Variants in GRHL2 observed in about 807,000 individuals in gnomAD.
GRHL2 encodes the protein grainyhead-like protein 2 homolog.
GRHL2 carries 21 observed loss-of-function variants against 83.8 expected under a neutral mutation model. The observed-to-expected ratio is 0.25, with a 90% confidence interval of 0.18 to 0.36. GRHL2 has a LOEUF of 0.36. Ranked by LOEUF, GRHL2 falls within the 10% of genes least tolerant of loss-of-function variation. GRHL2 has a pLI of 1.00. For synonymous variants in GRHL2, 280 were observed against 278.9 expected (o/e 1.00, Z -0.04); for missense variants, 623 against 781.8 (o/e 0.80, Z 2.42).
chr8:101,513,510 TGGAGA>T (rs1554582038), intron 1 of GRHL2, among the ~76,000 whole-genome samples: 10 of 147,190 alleles, frequency 6.8e-5, no homozygotes, highest in Admixed American at 1.4e-4. Context: ...CTTTTTTTTT[TGGAGA>T]TGGAGTTTTG....
chr8:101,661,014 C>T (rs1161865439), intron 14 of GRHL2, among the ~76,000 whole-genome samples: 1 of 152,226 alleles, frequency 6.6e-6, no homozygotes, highest in East Asian at 1.9e-4. Context: ...TTGCAGTCCA[C>T]ATAACCCTAT....
intron 2 of GRHL2, among the ~76,000 whole-genome samples, chr8:101,544,672 C>CAAT (rs1811224914): frequency 6.6e-6 from 1 of 152,166 alleles, no homozygotes; most frequent in Non-Finnish European, 1.5e-5. Context: ...ACAATGAACT[C>CAAT]TTATTAACTC....
chr8:101,568,589 T>G (rs1258085242), intron 4 of GRHL2, among the ~76,000 whole-genome samples: 2 of 152,090 alleles, frequency 1.3e-5, no homozygotes, highest in Non-Finnish European at 2.9e-5. Context: ...TATTTTAGTT[T>G]TTTTTTTTTA....
chr8:101,535,079 A>T (rs1221439563), intron 1 of GRHL2, among the ~76,000 whole-genome samples: 2 of 152,174 alleles, frequency 1.3e-5, no homozygotes, highest in Non-Finnish European at 2.9e-5. Flanking sequence ...GTTCTATGTG[A>T]TAGGGCTGGT....
chr8:101,493,355 G>A (rs1248811654), intron 1 of GRHL2, among the ~76,000 whole-genome samples: 1 of 152,162 alleles, frequency 6.6e-6, no homozygotes, highest in Non-Finnish European at 1.5e-5. Context: ...GATGGGAGGC[G>A]AGGCGCTGGG....
At chr8:101,518,890 A>T (rs1357530745) in intron 1 of GRHL2, among the ~76,000 whole-genome samples, 1 of 152,142 alleles carries the variant, frequency 6.6e-6, no homozygotes, top group East Asian at 1.9e-4. Context: ...TAATTTGTTG[A>T]TTTAACTTCT....
chr8:101,611,079 T>C lies in GRHL2; in HGVS notation c.1099-8460T>C, dbSNP rs1240423443. ...TTCCTTGTCCTTGGTCAGGTCACAA[T>C]GCTCCTAAAAATCTTTAACAAAACA... On this transcript the variant is annotated intron_variant, in intron 8 of 15. Coordinates refer to ENST00000646743, the MANE Select transcript of GRHL2 (RefSeq NM_024915.4). 2.7e-5 allele frequency among the ~76,000 whole-genome samples: 4 copies of C among 150,838 alleles called. No individual in the cohort carries two copies. The East Asian group carries it at 7.7e-4, about 29-fold the overall frequency.
downstream of GRHL2, among the ~76,000 whole-genome samples, chr8:101,672,113 G>A (rs541271025): frequency 1.8e-3 from 267 of 151,782 alleles, 7 homozygotes; most frequent in African/African-American, 4.2e-3. Flanking sequence ...AAAAAACAGA[G>A]CAGAAAAACT....
intron 1 of GRHL2, among the ~76,000 whole-genome samples, chr8:101,530,412 ACTCT>A (rs1297293663): frequency 6.6e-6 from 1 of 151,936 alleles, no homozygotes; most frequent in Non-Finnish European, 1.5e-5. Flanking sequence ...AGAAAAACTG[ACTCT>A]CTCTTTAATT....
downstream of GRHL2, among the ~76,000 whole-genome samples, chr8:101,673,711 T>C (rs1814245875): frequency 6.6e-6 from 1 of 152,024 alleles, no homozygotes; most frequent in Non-Finnish European, 1.5e-5. Context: ...GAGGACCTAA[T>C]AGACCTCTAC....
At chr8:101,650,809 TATCTATC>T (rs1813606980) in intron 14 of GRHL2, among the ~76,000 whole-genome samples, 1 of 149,806 alleles carries the variant, frequency 6.7e-6, no homozygotes, top group African/African-American at 2.4e-5. Context: ...TTGTGATATC[TATCTATC>T]TATCTATCTA....
At chr8:101,553,493 C>T (rs765853992) in intron 3 of GRHL2, among the ~76,000 whole-genome samples, 1 of 152,144 alleles carries the variant, frequency 6.6e-6, no homozygotes, top group African/African-American at 2.4e-5. Flanking sequence ...GACTTTGTAC[C>T]GTTTATGGCA....
intron 2 of GRHL2, among the ~76,000 whole-genome samples, chr8:101,550,153 T>A (rs1307016603): frequency 6.9e-6 from 1 of 145,972 alleles, no homozygotes; most frequent in Non-Finnish European, 1.5e-5. Context: ...TATTATACTT[T>A]AAGTTCTGGG....
At chr8:101,636,801 GA>G in intron 11 of GRHL2, 95 bp from the exon 12 acceptor site, 1 of 1,031,546 alleles carries the variant, frequency 9.7e-7, no homozygotes, top group Non-Finnish European at 1.5e-6. Flanking sequence ...GCCTTTTTAA[GA>G]GACAGTTTAT....
At chr8:101,548,609 C>A (rs1811314421) in intron 2 of GRHL2, among the ~76,000 whole-genome samples, 2 of 152,090 alleles carry the variant, frequency 1.3e-5, no homozygotes, top group Admixed American at 6.5e-5. Context: ...CTGAGGAGAA[C>A]AATAATTAAG....
chr8:101,519,845 T>G (rs186252322), intron 1 of GRHL2, among the ~76,000 whole-genome samples: 267 of 152,262 alleles, frequency 1.8e-3, no homozygotes, highest in Non-Finnish European at 3.3e-3. Context: ...AATTTAAAAA[T>G]GAGAATATTT....
At chr8:101,515,256 T>C (rs1375881827) in intron 1 of GRHL2, among the ~76,000 whole-genome samples, 3 of 151,428 alleles carry the variant, frequency 2.0e-5, no homozygotes, top group Non-Finnish European at 4.4e-5. Flanking sequence ...CTTTTCCTAC[T>C]TCATCAGCTT....
intron 9 of GRHL2, among the ~76,000 whole-genome samples, chr8:101,625,146 G>A (rs1052953638): frequency 5.9e-5 from 9 of 152,146 alleles, no homozygotes; most frequent in African/African-American, 2.2e-4. Flanking sequence ...TATTCCAGGG[G>A]AGATTGTAGA....
chr8:101,565,000 T>C (rs1184226451), intron 4 of GRHL2, among the ~76,000 whole-genome samples: 1 of 152,176 alleles, frequency 6.6e-6, no homozygotes, highest in African/African-American at 2.4e-5. Flanking sequence ...AAGCTTACAA[T>C]CTGTCTGTAT....
Sources: allele counts gnomAD v4.1 joint callset (sites outside exome capture counted in the v4.1 genomes callset), GRCh38; gene constraint gnomAD v4.1.1; transcripts MANE v1.5; gene names NCBI Gene and HGNC (gene_info 2026-07-23, HGNC 2026-07-21).